The following CFAP92 variants were observed in gnomAD, a reference collection of about 807,000 sequenced individuals.
The protein encoded by CFAP92 is cilia and flagella associated protein 92 (putative).
In CFAP92, 86 loss-of-function variants were observed where a neutral mutation model predicts 106.3. The observed-to-expected ratio is 0.81, with a 90% CI of 0.68 to 0.97. The LOEUF is 0.97. Among genes scored for constraint, CFAP92 ranks in the 50% least tolerant of loss-of-function variants. The pLI is 0.00. For missense variants in CFAP92, 1,204 were observed against 1,283.8 expected, an observed-to-expected ratio of 0.94 and a Z score of 0.95; for synonymous variants, 477 against 506.4, an observed-to-expected ratio of 0.94 and a Z score of 0.78.
chr3:128,920,262 G>C (rs9844604), intron 12 of CFAP92, among the ~76,000 whole-genome samples: 13,023 of 152,176 alleles, frequency 0.086, 1,530 homozygotes, highest in African/African-American at 0.27. Context: ...AATTAGCTGG[G>C]TGTGGCAGTA....
At chr3:128,931,873 A>C (rs1163790098) in intron 12 of CFAP92, among the ~76,000 whole-genome samples, 1 of 151,838 alleles carries the variant, frequency 6.6e-6, no homozygotes, top group Non-Finnish European at 1.5e-5. Flanking sequence ...AAAAGTAAAA[A>C]AAATTAACCA....
chr3:128,920,780 G>A (rs373366258), intron 12 of CFAP92, among the ~76,000 whole-genome samples: 16 of 152,294 alleles, frequency 1.1e-4, no homozygotes, highest in South Asian at 4.1e-4. Context: ...TGGCTTGGAC[G>A]GAATCCAGGG....
intron 10 of CFAP92, among the ~76,000 whole-genome samples, chr3:128,939,649 G>A (rs2933343): frequency 0.25 from 37,279 of 151,444 alleles, 4,998 homozygotes; most frequent in East Asian, 0.56. Flanking sequence ...CTGATCCACC[G>A]CCCTAAGTAT....
rs1465043672 is a variant in CFAP92 at position 128,945,503 on chromosome 3, C to T, written c.1826G>A (p.Gly609Glu). The T allele has an allele frequency of 2.0e-5, 31 of 1,535,980 alleles. No homozygotes were observed. The highest frequency in any genetic ancestry group is 2.5e-5 in the Non-Finnish European group (29 of 1,146,922). Residue 609 changes from glycine to glutamate, a missense_variant, in exon 10 of 16, where the codon GGG becomes GAG. Physicochemically the swap from Gly to Glu is moderately conservative, Grantham distance 98. Coordinates refer to ENST00000645291, the MANE Select transcript of CFAP92 (RefSeq NM_001394090.1). Reference sequence around the variant, plus strand: ...GTGCTGGTGGCCATCTCTGGGGACCCCAAGCCCCACAACCTTCCTTCTCCT... The same window carrying T: ...GTGCTGGTGGCCATCTCTGGGGACCTCAAGCCCCACAACCTTCCTTCTCCT... ...DSRRRKVVGLGVPRDGHQHGP... is the reference protein window; with the variant it reads ...DSRRRKVVGLEVPRDGHQHGP...
intron 12 of CFAP92, among the ~76,000 whole-genome samples, chr3:128,928,179 G>A (rs1937914455): frequency 3.3e-5 from 5 of 152,114 alleles, no homozygotes; most frequent in Admixed American, 3.3e-4. Context: ...CGTGAACCTG[G>A]GAGGCCAAGC....
chr3:128,971,087 G>C, intron 8 of CFAP92, 200 bp downstream of exon 8: 1 of 693,408 alleles, frequency 1.4e-6, no homozygotes, highest in Non-Finnish European at 2.4e-6. Context: ...CTAGCTGTGT[G>C]ATCTCAGGCA....
At chr3:128,956,204 AAATAAAAAAAT>A (rs1941385044) in intron 9 of CFAP92, among the ~76,000 whole-genome samples, 14 of 97,696 alleles carry the variant, frequency 1.4e-4, no homozygotes, top group East Asian at 2.8e-4. Flanking sequence ...AATAAAAAAA[AAATAAAAAAAT>A]AAAAAAAAAA....
the CFAP92 span, among the ~76,000 whole-genome samples, chr3:129,012,144 C>T: frequency 5.3e-5 from 8 of 152,242 alleles, no homozygotes; most frequent in African/African-American, 9.6e-5. Flanking sequence ...ATGTATGTTG[C>T]ACATTTTCTT....
intron 1 of CFAP92, among the ~76,000 whole-genome samples, chr3:129,001,311 AGGAACGCCCCGT>A (rs1440894965): frequency 6.6e-6 from 1 of 152,158 alleles, no homozygotes; most frequent in Non-Finnish European, 1.5e-5. Flanking sequence ...CGCAGACGCC[AGGAACGCCCCGT>A]GAGTGAGGAG....
At chr3:128,958,188 C>G (rs771295577) in intron 9 of CFAP92, among the ~76,000 whole-genome samples, 1 of 152,160 alleles carries the variant, frequency 6.6e-6, no homozygotes, top group East Asian at 1.9e-4. Context: ...GTTAGGAGTT[C>G]AACATACCAT....
chr3:129,007,710 T>C, the CFAP92 span, among the ~76,000 whole-genome samples: 1 of 152,244 alleles, frequency 6.6e-6, no homozygotes, highest in Non-Finnish European at 1.5e-5. Flanking sequence ...TTAGACTGCG[T>C]TGAATTTCCT....
intron 11 of CFAP92, among the ~76,000 whole-genome samples, chr3:128,933,561 C>T (rs899428980): frequency 2.0e-5 from 3 of 152,218 alleles, no homozygotes; most frequent in Non-Finnish European, 2.9e-5. Flanking sequence ...CAGCTGCCTC[C>T]GAAGTCCACT....
intron 12 of CFAP92, among the ~76,000 whole-genome samples, chr3:128,917,053 A>G (rs1182843283): frequency 1.3e-5 from 2 of 152,188 alleles, no homozygotes; most frequent in Non-Finnish European, 2.9e-5. Context: ...TAATCAGGGG[A>G]GGACAAAATT....
At chr3:128,935,763 G>A (rs1186261618) in intron 10 of CFAP92, among the ~76,000 whole-genome samples, 2 of 152,036 alleles carry the variant, frequency 1.3e-5, no homozygotes, top group Admixed American at 6.5e-5. Context: ...AGGCTGCAGC[G>A]AGCCCTGATG....
chr3:128,998,767 T>A (rs573589570), upstream of CFAP92, among the ~76,000 whole-genome samples: 1 of 152,238 alleles, frequency 6.6e-6, no homozygotes, highest in East Asian at 1.9e-4. Context: ...GCCAAGCTGT[T>A]TACAAAGCTC....
intron 12 of CFAP92, among the ~76,000 whole-genome samples, chr3:128,922,342 CA>C (rs71618174): frequency 0.097 from 13,374 of 137,218 alleles, 618 homozygotes; most frequent in African/African-American, 0.14. Flanking sequence ...GGCTCCATCT[CA>C]AAAAAAAAAA....
chr3:128,957,505 A>G (rs1265782098), intron 9 of CFAP92, among the ~76,000 whole-genome samples: 1 of 152,208 alleles, frequency 6.6e-6, no homozygotes. Context: ...ATTCAAAAAT[A>G]CTACAGATAA....
At chr3:128,927,382 T>A (rs1937788047) in intron 12 of CFAP92, among the ~76,000 whole-genome samples, 1 of 152,080 alleles carries the variant, frequency 6.6e-6, no homozygotes, top group Admixed American at 6.6e-5. Context: ...ACAGATGACG[T>A]GATCCAGTTC....
At chr3:128,956,196 T>TAAAA (rs577724635) in intron 9 of CFAP92, among the ~76,000 whole-genome samples, 2 of 61,702 alleles carry the variant, frequency 3.2e-5, no homozygotes, top group African/African-American at 1.8e-4. Flanking sequence ...AAAAAAAAAA[T>TAAAA]AAAAAAAAAA....
Sources: gnomAD v4.1 joint callset for allele counts (sites outside exome capture counted in the v4.1 genomes callset) on GRCh38, gnomAD v4.1.1 for gene constraint, MANE v1.5 for transcripts, NCBI Gene and HGNC (gene_info 2026-07-23, HGNC 2026-07-21) for gene names.